Variants in MEGF10 observed in about 807,000 individuals in gnomAD.
MEGF10 encodes the protein multiple EGF like domains 10, also known as multiple epidermal growth factor-like domains protein 10.
A neutral mutation model predicts 147.5 loss-of-function variants in MEGF10; 86 were observed. That is an observed-to-expected ratio of 0.58 (90% CI 0.49 to 0.70). MEGF10 has a LOEUF of 0.70. MEGF10 is among the 30% of genes least tolerant of loss of function. MEGF10 has a pLI of 0.00. For missense variants in MEGF10, 1,329 were observed against 1,487.3 expected (o/e 0.89, Z 1.75); for synonymous variants, 478 against 525.5 (o/e 0.91, Z 1.24).
At chr5:127,380,111 C>A (rs1034107901) in intron 5 of MEGF10, among the ~76,000 whole-genome samples, 1 of 151,590 alleles carries the variant, frequency 6.6e-6, no homozygotes, top group African/African-American at 2.4e-5. Flanking sequence ...GATGTAAGCC[C>A]CATGAAAACA....
chr5:127,236,373 C>A, the MEGF10 span, among the ~76,000 whole-genome samples: 4 of 152,322 alleles, frequency 2.6e-5, no homozygotes, highest in Admixed American at 2.0e-4. Context: ...AGCATGAAGG[C>A]AGCTGAAGAC....
chr5:127,237,621 G>C, the MEGF10 span, among the ~76,000 whole-genome samples: 5 of 152,192 alleles, frequency 3.3e-5, no homozygotes, highest in African/African-American at 4.8e-5. Flanking sequence ...GGCTGAGTTG[G>C]GGAGACAATA....
At chr5:127,290,267 T>C (rs1255073412), upstream of MEGF10, among the ~76,000 whole-genome samples, 1 of 151,976 alleles carries the variant, frequency 6.6e-6, no homozygotes, top group Non-Finnish European at 1.5e-5. Context: ...CCTTTCCATG[T>C]ACTTTGCTGC....
the MEGF10 span, among the ~76,000 whole-genome samples, chr5:127,247,389 GAAGAAGAAGAAGA>G: frequency 3.4e-5 from 1 of 29,654 alleles, no homozygotes; most frequent in Non-Finnish European, 7.0e-5. Flanking sequence ...AGAAGAAGAA[GAAGAAGAAGAAGA>G]AGAAGAAGAA....
chr5:127,360,807 A>G (rs1267283661), intron 4 of MEGF10, among the ~76,000 whole-genome samples: 4 of 151,804 alleles, frequency 2.6e-5, no homozygotes, highest in South Asian at 2.1e-4. Flanking sequence ...AACTATATAT[A>G]TAGGTTATAT....
At chr5:127,402,260 T>G (rs903032282) in intron 7 of MEGF10, among the ~76,000 whole-genome samples, 5 of 152,236 alleles carry the variant, frequency 3.3e-5, no homozygotes, top group Admixed American at 2.0e-4. Context: ...TTGATGTAAC[T>G]TTGTTTTAAA....
intron 19 of MEGF10, 87 bp downstream of exon 19, chr5:127,443,213 T>C: frequency 7.4e-7 from 1 of 1,346,222 alleles, no homozygotes; most frequent in Admixed American, 2.8e-5. Context: ...ACTTATGTTA[T>C]CCAGCAGAAT....
chr5:127,369,858 C>CTT, intron 4 of MEGF10, 52 bp from the exon 5 acceptor site: 1 of 1,473,446 alleles, frequency 6.8e-7, no homozygotes, highest in Non-Finnish European at 9.4e-7. Context: ...GTGTTGTTGG[C>CTT]TTTTTTTTCT....
intron 5 of MEGF10, among the ~76,000 whole-genome samples, chr5:127,381,465 C>T (rs1240540126): frequency 2.6e-5 from 4 of 152,174 alleles, no homozygotes; most frequent in African/African-American, 9.7e-5. Flanking sequence ...TGTTTGCTGG[C>T]TGCCGTGCTC....
chr5:127,409,384 G>T (rs558666231), intron 8 of MEGF10, among the ~76,000 whole-genome samples: 1 of 152,340 alleles, frequency 6.6e-6, no homozygotes, highest in Non-Finnish European at 1.5e-5. Flanking sequence ...GCAAGTGCTC[G>T]GCTGGGCAAA....
intron 1 of MEGF10, among the ~76,000 whole-genome samples, chr5:127,308,533 A>G (rs1026202195): frequency 2.6e-5 from 4 of 152,250 alleles, no homozygotes; most frequent in African/African-American, 9.6e-5. Flanking sequence ...CTATGCAGCC[A>G]TAAAAAATGA....
chr5:127,285,045 G>A, the MEGF10 span, among the ~76,000 whole-genome samples: 1 of 152,184 alleles, frequency 6.6e-6, no homozygotes, highest in Non-Finnish European at 1.5e-5. Flanking sequence ...CAGACTGGAT[G>A]TAATAATAGA....
At chr5:127,233,373 G>T in the MEGF10 span, among the ~76,000 whole-genome samples, 22 of 152,162 alleles carry the variant, frequency 1.4e-4, no homozygotes, top group Non-Finnish European at 2.5e-4. Context: ...TTCTACCTGT[G>T]TTCCTCCAGC....
At chr5:127,269,491 G>A in the MEGF10 span, among the ~76,000 whole-genome samples, 1 of 152,224 alleles carries the variant, frequency 6.6e-6, no homozygotes, top group Non-Finnish European at 1.5e-5. Context: ...GGGTATCAGT[G>A]ATGGAAGATC....
intron 4 of MEGF10, among the ~76,000 whole-genome samples, chr5:127,344,904 T>C (rs1243636450): frequency 6.6e-6 from 1 of 152,236 alleles, no homozygotes; most frequent in Non-Finnish European, 1.5e-5. Flanking sequence ...TTGTTACTGC[T>C]GCAGTTTCTA....
intron 12 of MEGF10, among the ~76,000 whole-genome samples, chr5:127,420,753 G>A (rs1027498065): frequency 6.6e-6 from 1 of 152,182 alleles, no homozygotes; most frequent in Admixed American, 6.5e-5. Flanking sequence ...GGAGATACAG[G>A]TCATTAGAAA....
chr5:127,361,542 A>C (rs1006623561), intron 4 of MEGF10, among the ~76,000 whole-genome samples: 3 of 151,414 alleles, frequency 2.0e-5, no homozygotes, highest in African/African-American at 7.3e-5. Context: ...TTTGATTTTT[A>C]TTATTTCTTT....
At chr5:127,350,240 A>G (rs1030550954) in intron 4 of MEGF10, among the ~76,000 whole-genome samples, 2 of 152,044 alleles carry the variant, frequency 1.3e-5, no homozygotes, top group Non-Finnish European at 2.9e-5. Flanking sequence ...AGTATCAGCA[A>G]TCTCTAGACA....
At chr5:127,386,294 G>A (rs1033808837) in intron 5 of MEGF10, among the ~76,000 whole-genome samples, 1 of 152,172 alleles carries the variant, frequency 6.6e-6, no homozygotes, top group African/African-American at 2.4e-5. Context: ...GTCTTAGTTG[G>A]TGAACCATGG....
Sources: allele counts gnomAD v4.1 joint callset (sites outside exome capture counted in the v4.1 genomes callset), GRCh38; gene constraint gnomAD v4.1.1; transcripts MANE v1.5; gene names NCBI Gene and HGNC (gene_info 2026-07-23, HGNC 2026-07-21).